The following SGCZ variants were observed in gnomAD, a reference collection of about 807,000 sequenced individuals.
SGCZ encodes sarcoglycan zeta.
In SGCZ, 40 loss-of-function variants were observed where a neutral mutation model predicts 41.3. The observed-to-expected ratio is 0.97, with a 90% CI of 0.75 to 1.26. SGCZ has a LOEUF of 1.26. Ranked by LOEUF, SGCZ falls within the 50% of genes most tolerant of loss-of-function variation. The probability of loss-of-function intolerance (pLI) is 0.00; values close to 1 mark genes in which losing one functional copy is unlikely to be tolerated. For synonymous variants in SGCZ, 206 were observed against 137.5 expected, an observed-to-expected ratio of 1.50 and a Z score of -3.49; for missense variants, 552 against 369.8, an observed-to-expected ratio of 1.49 and a Z score of -4.04.
chr8:14,358,246 T>G (rs540636209), intron 2 of SGCZ, among the ~76,000 whole-genome samples: 2 of 152,376 alleles, frequency 1.3e-5, no homozygotes, highest in African/African-American at 4.8e-5. Flanking sequence ...TATCGCATTT[T>G]GTAATTATAA....
Position 14,606,299 on chromosome 8 carries a change from T to C in SGCZ, c.40-51373A>G, listed in dbSNP as rs142815849. Among the ~76,000 whole-genome samples the C allele has an allele frequency of 2.4e-4, 36 of 151,834 alleles. No homozygotes were observed. In the East Asian group the frequency reaches 5.6e-3, roughly 24 times the overall value. On this transcript the variant is annotated intron_variant, in intron 1 of 7. Coordinates refer to ENST00000382080, the MANE Select transcript of SGCZ (RefSeq NM_139167.4). Reference sequence around the variant, plus strand: ...CACTTTCTTGCTTCATATTCACTAATAGCTTTCTGTTACACTCCTTATTTG... The same window carrying C: ...CACTTTCTTGCTTCATATTCACTAACAGCTTTCTGTTACACTCCTTATTTG...
At chr8:14,595,406 C>CACAG (rs368132043) in intron 1 of SGCZ, among the ~76,000 whole-genome samples, 21,864 of 125,456 alleles carry the variant, frequency 0.17, 1,559 homozygotes, top group East Asian at 0.37. Context: ...CACAAACACA[C>CACAG]ACACACACAC....
At chr8:15,199,526 T>C (rs1362930960) in intron 1 of SGCZ, among the ~76,000 whole-genome samples, 1 of 152,202 alleles carries the variant, frequency 6.6e-6, no homozygotes, top group Non-Finnish European at 1.5e-5. Flanking sequence ...TTATAACTAA[T>C]TACAATTTTT....
chr8:14,293,599 T>C (rs916684477), intron 3 of SGCZ, among the ~76,000 whole-genome samples: 5 of 151,920 alleles, frequency 3.3e-5, no homozygotes, highest in Non-Finnish European at 7.4e-5. Context: ...AAATAAAAAA[T>C]GTAAGCTCAA....
chr8:15,194,204 C>T (rs1800638804), intron 1 of SGCZ, among the ~76,000 whole-genome samples: 1 of 151,566 alleles, frequency 6.6e-6, no homozygotes. Flanking sequence ...CACACACACA[C>T]ACACACACAC....
intron 1 of SGCZ, among the ~76,000 whole-genome samples, chr8:14,734,427 G>A (rs188052319): frequency 3.3e-5 from 5 of 152,012 alleles, no homozygotes; most frequent in Non-Finnish European, 7.4e-5. Context: ...ACAAATTCAC[G>A]CATTTGCCCC....
intron 1 of SGCZ, among the ~76,000 whole-genome samples, chr8:14,970,739 C>A (rs993099012): frequency 1.3e-5 from 2 of 152,050 alleles, no homozygotes; most frequent in African/African-American, 4.8e-5. Context: ...AGTCTTAGTC[C>A]TCCTGCTAGA....
intron 1 of SGCZ, among the ~76,000 whole-genome samples, chr8:14,872,406 T>TTAGAG (rs201893139): frequency 0.024 from 3,581 of 152,258 alleles, 50 homozygotes; most frequent in Middle Eastern, 0.041. Context: ...TTGCTGTATA[T>TTAGAG]TATTTTTATT....
At chr8:15,189,667 G>A (rs532736940) in intron 1 of SGCZ, among the ~76,000 whole-genome samples, 1 of 151,856 alleles carries the variant, frequency 6.6e-6, no homozygotes, top group Non-Finnish European at 1.5e-5. Flanking sequence ...TCCTACCTGA[G>A]CCTCCCAAGT....
At chr8:14,244,281 C>T (rs1335062751) in intron 3 of SGCZ, among the ~76,000 whole-genome samples, 4 of 151,736 alleles carry the variant, frequency 2.6e-5, no homozygotes, top group African/African-American at 9.7e-5. Flanking sequence ...CCTCATTCTT[C>T]TTCTTTTTCT....
chr8:15,036,194 T>A (rs374441957), intron 1 of SGCZ, among the ~76,000 whole-genome samples: 1 of 152,080 alleles, frequency 6.6e-6, no homozygotes, highest in Admixed American at 6.6e-5. Context: ...AAAGTCTACA[T>A]TAAACTAGGA....
At chr8:14,189,817 A>T (rs186216924) in intron 4 of SGCZ, among the ~76,000 whole-genome samples, 108 of 152,222 alleles carry the variant, frequency 7.1e-4, no homozygotes, top group Non-Finnish European at 1.3e-3. Context: ...TACATGCTTC[A>T]TTACTTCCAG....
intron 1 of SGCZ, among the ~76,000 whole-genome samples, chr8:14,865,735 G>T (rs1186619929): frequency 6.6e-6 from 1 of 152,124 alleles, no homozygotes; most frequent in East Asian, 1.9e-4. Flanking sequence ...TCTAAAAGGA[G>T]TTGGGAGGCT....
At position 14,567,467 on chromosome 8, in the gene SGCZ, G is replaced by T. The variant is rs533909628; in HGVS notation, c.40-12541C>A. On this transcript the variant is annotated intron_variant, in intron 1 of 7. Coordinates refer to ENST00000382080, the MANE Select transcript of SGCZ (RefSeq NM_139167.4). ...AACTTTTGTGTCTGGCTCAGGGATTGTAAACGCACCAATCAGCACCCTGTC... is the reference window on the plus strand; with the variant it reads ...AACTTTTGTGTCTGGCTCAGGGATTTTAAACGCACCAATCAGCACCCTGTC... Among the ~76,000 whole-genome samples, 4 of 152,278 alleles carry T rather than the reference G, an allele frequency of 2.6e-5. No individual in the cohort carries two copies. In the South Asian group the frequency reaches 8.3e-4, roughly 32 times the overall value.
chr8:15,151,320 C>T (rs965534293), intron 1 of SGCZ, among the ~76,000 whole-genome samples: 3 of 152,202 alleles, frequency 2.0e-5, no homozygotes. Flanking sequence ...TCTCACCCAA[C>T]ATAAACTGAA....
intron 2 of SGCZ, among the ~76,000 whole-genome samples, chr8:14,400,799 A>C (rs1401701807): frequency 6.6e-6 from 1 of 152,150 alleles, no homozygotes; most frequent in African/African-American, 2.4e-5. Context: ...GCACACATAT[A>C]AAAAAGAATT....
At chr8:14,145,931 C>T (rs1803508110) in intron 5 of SGCZ, among the ~76,000 whole-genome samples, 1 of 152,036 alleles carries the variant, frequency 6.6e-6, no homozygotes, top group Non-Finnish European at 1.5e-5. Flanking sequence ...CAATATATTG[C>T]CTATAGGATC....
At chr8:14,445,308 T>A (rs1408115036) in intron 2 of SGCZ, among the ~76,000 whole-genome samples, 5 of 152,172 alleles carry the variant, frequency 3.3e-5, no homozygotes, top group Non-Finnish European at 7.3e-5. Flanking sequence ...TTCTAAACAA[T>A]GTATTTTTAC....
At chr8:15,231,357 T>C (rs1243097200) in intron 1 of SGCZ, among the ~76,000 whole-genome samples, 2 of 152,160 alleles carry the variant, frequency 1.3e-5, no homozygotes, top group African/African-American at 4.8e-5. Flanking sequence ...TATTTTTCAG[T>C]CAACGTACAA....
Sources: gnomAD v4.1 joint callset for allele counts (sites outside exome capture counted in the v4.1 genomes callset) on GRCh38, gnomAD v4.1.1 for gene constraint, MANE v1.5 for transcripts, NCBI Gene and HGNC (gene_info 2026-07-23, HGNC 2026-07-21) for gene names.